FMOD: variants seen among roughly 807,000 people sequenced by gnomAD.
The protein encoded by FMOD is fibromodulin.
A neutral mutation model predicts 27.0 loss-of-function variants in FMOD; 15 were observed. The ratio of observed to expected loss-of-function variants is 0.55; its 90% confidence interval spans 0.37 to 0.85. The LOEUF is 0.85. Ranked by LOEUF, FMOD falls within the 40% of genes least tolerant of loss-of-function variation. FMOD has a pLI of 0.00. For synonymous variants in FMOD, 210 were observed against 214.0 expected (o/e 0.98, Z 0.16); for missense variants, 460 against 483.2 (o/e 0.95, Z 0.45).
intron 2 of FMOD, 103 bp downstream of exon 2, chr1:203,347,189 G>A: frequency 7.2e-7 from 1 of 1,394,752 alleles, no homozygotes; most frequent in Non-Finnish European, 9.7e-7. Flanking sequence ...GTGCTGTCTG[G>A]TTCCCCTATT....
Position 203,347,313 on chromosome 1 carries a change from G to A in FMOD, c.958C>T (p.Leu320Phe). 2.5e-6 allele frequency: 4 copies of A among 1,613,006 alleles called. No individual in the cohort carries two copies. The highest frequency in any genetic ancestry group is 3.4e-6 in the Non-Finnish European group (4 of 1,179,404). ...TCACCATTGATCCTATTGCCTTGGAGGTAGAGGTTCTCCAGGTTGGTGTTG... is the reference window on the plus strand; with the variant it reads ...TCACCATTGATCCTATTGCCTTGGAAGTAGAGGTTCTCCAGGTTGGTGTTG... ...PVNTNLENLY[L>F]QGNRINEFSI... Residue 320 changes from leucine to phenylalanine, a missense_variant, in exon 2 of 3, where the codon CTC (leucine) becomes TTC (phenylalanine). By Grantham distance (22) the Leu-to-Phe change is conservative. Coordinates refer to ENST00000354955, the MANE Select transcript of FMOD (RefSeq NM_002023.5).
At chr1:203,350,699 C>T (rs1658983236) in intron 1 of FMOD, among the ~76,000 whole-genome samples, 1 of 152,194 alleles carries the variant, frequency 6.6e-6, no homozygotes, top group African/African-American at 2.4e-5. Context: ...TCTTGGAATA[C>T]CCTTCAAAAT....
rs372055897 is a variant in FMOD, at chr1:203,347,389, G to A, written c.882C>T (p.Ser294=). 3 of 1,614,206 alleles carry A rather than the reference G, an allele frequency of 1.9e-6. No individual in the cohort carries two copies. Among genetic ancestry groups the A allele is most frequent in the Admixed American group, 3.3e-5 (2 of 60,028 alleles). Residue 294 remains serine (S), a synonymous_variant, in exon 2 of 3, where the codon AGC becomes AGT. Coordinates refer to ENST00000354955, the MANE Select transcript of FMOD (RefSeq NM_002023.5). The part of the protein sequence containing the change: ...GLASNTFNSS[S]LLELDLSYNQ... ...TGTAGGAGAGGTCTAGCTCAAGGAG[G>A]CTGCTGGAATTGAAGGTGTTGGAGG...
intron 1 of FMOD, among the ~76,000 whole-genome samples, chr1:203,349,173 C>T (rs975999548): frequency 6.6e-6 from 1 of 152,222 alleles, no homozygotes; most frequent in African/African-American, 2.4e-5. Flanking sequence ...CCACCATGGG[C>T]ATCATGCAAG....
intron 2 of FMOD, among the ~76,000 whole-genome samples, 156 bp downstream of exon 2, chr1:203,347,136 C>CT (rs1448250109): frequency 6.6e-6 from 1 of 152,218 alleles, no homozygotes; most frequent in Non-Finnish European, 1.5e-5. Flanking sequence ...AGTGTATTCT[C>CT]TTTTGTACAG....
chr1:203,348,377 G>A, intron 1 of FMOD, 100 bp from the exon 2 acceptor site: 2 of 1,243,540 alleles, frequency 1.6e-6, no homozygotes, highest in Non-Finnish European at 1.1e-6. Flanking sequence ...GCTATGCAGA[G>A]CTGACTTCCA....
At chr1:203,350,619 T>C (rs1658975528) in intron 1 of FMOD, among the ~76,000 whole-genome samples, 2 of 151,042 alleles carry the variant, frequency 1.3e-5, no homozygotes, top group Non-Finnish European at 2.9e-5. Flanking sequence ...TACACAAAAG[T>C]TTCCCCCTCT....
chr1:203,343,931 G>A (rs910291926), intron 2 of FMOD, among the ~76,000 whole-genome samples: 1 of 152,204 alleles, frequency 6.6e-6, no homozygotes, highest in African/African-American at 2.4e-5. Flanking sequence ...AAATTAACTT[G>A]TATTGCAGGC....
Position 203,348,108 on chromosome 1 carries a change from A to G in FMOD, c.163T>C (p.Tyr55His). Residue 55 changes from tyrosine (Y) to histidine (H), a missense_variant, in exon 2 of 3, where the codon TAT (tyrosine) becomes CAT (histidine). Coordinates refer to ENST00000354955, the MANE Select transcript of FMOD (RefSeq NM_002023.5). ...YPYETYEPYP[Y>H]GVDEGPAYTY... ...TAGGCTGGCCCTTCATCCACCCCAT[A>G]GGGGTAAGGCTCGTAGGTCTCATAC... The G allele has an allele frequency of 1.2e-6, 2 of 1,614,044 alleles. No homozygotes were observed. Among genetic ancestry groups the G allele is most frequent in the Non-Finnish European group, 8.5e-7 (1 of 1,179,932 alleles).
At position 203,344,376 on chromosome 1, in the gene FMOD, C is replaced by T. The variant is rs115487737; in HGVS notation, c.980-1882G>A. Among the ~76,000 whole-genome samples the T allele has an allele frequency of 1.7e-3, 253 of 152,272 alleles. 1 individual carries two copies. Among genetic ancestry groups the T allele is most frequent in the African/African-American group, 5.3e-3 (219 of 41,532 alleles). ...ACACAGTGTATATGGACTCTAGCCA[C>T]ATACTGGGTACTGTGAGCACCCCCC... is the stretch of plus-strand genomic sequence containing the variant. On this transcript the variant is annotated intron_variant, in intron 2 of 2. Transcript: ENST00000354955.
Position 203,347,854 on chromosome 1 carries a change from G to T in FMOD, c.417C>A (p.Asn139Lys). The T allele has an allele frequency of 6.2e-7, 1 of 1,614,208 alleles. No individual in the cohort carries two copies. ...TGCCCACCTTATCACTGGTGATCTG[G>T]TTGCCGTGGAGAGCAATCCAGAGCA... ...TGLLWIALHGNQITSDKVGRK... is the reference protein window; with the variant it reads ...TGLLWIALHGKQITSDKVGRK... The change falls in exon 2 of 3, where the codon AAC (asparagine) becomes AAA (lysine). Residue 139 changes from asparagine (N) to lysine (K), a missense_variant. Coordinates refer to ENST00000354955, the MANE Select transcript of FMOD (RefSeq NM_002023.5).
At position 203,348,025 on chromosome 1, in the gene FMOD, G is replaced by T. The variant is rs775590878; in HGVS notation, c.246C>A (p.Cys82Ter). The change falls in exon 2 of 3, where the codon TGC becomes TGA. Residue 82 changes from cysteine (C) to a stop codon, truncating the protein, a stop_gained. Coordinates refer to ENST00000354955, the MANE Select transcript of FMOD (RefSeq NM_002023.5). LOFTEE classifies it high-confidence loss of function. ...DPRDCPQECD[C>*]PPNFPTAMYC... is the part of the protein sequence containing the mutation. ...ACATGGCCGTGGGGAAGTTGGGTGG[G>T]CAGTCGCACTCCTGGGGGCAGTCGC... 1 of 1,609,954 alleles carries T rather than the reference G, an allele frequency of 6.2e-7. No individual in the cohort carries two copies. The highest frequency in any genetic ancestry group is 1.1e-5 in the South Asian group (1 of 90,600).
chr1:203,348,007 C>T lies in FMOD; in HGVS notation c.264G>A (p.Thr88=), dbSNP rs149482844. 485 of 1,607,776 alleles carry T rather than the reference C, an allele frequency of 3.0e-4. 6 individuals carry two copies. In the East Asian group the frequency reaches 0.01, roughly 34 times the overall value. Residue 88 remains threonine (T), a synonymous_variant, in exon 2 of 3, where the codon ACG becomes ACA. Transcript: ENST00000354955. ...QECDCPPNFP[T]AMYCDNRNLK... ...GGTTGCGATTGTCACAGTACATGGC[C>T]GTGGGGAAGTTGGGTGGGCAGTCGC...
At chr1:203,345,972 A>G (rs148943869) in intron 2 of FMOD, among the ~76,000 whole-genome samples, 6 of 151,896 alleles carry the variant, frequency 4.0e-5, no homozygotes, top group Non-Finnish European at 8.8e-5. Context: ...AAAGAAAGAG[A>G]GATTTTAATA....
At position 203,342,462 on chromosome 1, in the gene FMOD, C is replaced by T; in HGVS notation, c.1012G>A (p.Asp338Asn). The T allele has an allele frequency of 6.2e-7, 1 of 1,614,166 alleles. No homozygotes were observed. The highest frequency in any genetic ancestry group is 8.5e-7 in the Non-Finnish European group (1 of 1,180,000). ...FSISSFCTVV[D>N]VVNFSKLQVL... is the part of the protein sequence containing the mutation. ...TGCAGCTTGGAGAAGTTCACGACGT[C>T]CACCACGGTGCAGAAGCTGCTGATG... The change falls in exon 3 of 3, where the codon GAC becomes AAC. Residue 338 changes from aspartate (D) to asparagine (N), a missense_variant. Transcript: ENST00000354955.
intron 2 of FMOD, among the ~76,000 whole-genome samples, chr1:203,344,060 A>T (rs1412715942): frequency 6.6e-6 from 1 of 152,116 alleles, no homozygotes; most frequent in African/African-American, 2.4e-5. Flanking sequence ...ATACTTTTGG[A>T]TGTTTCCTTT....
At chr1:203,345,670 AG>A (rs1469839697) in intron 2 of FMOD, among the ~76,000 whole-genome samples, 3 of 152,182 alleles carry the variant, frequency 2.0e-5, no homozygotes, top group Non-Finnish European at 4.4e-5. Context: ...AGGCCGAGGC[AG>A]GCAGATCACG....
intron 1 of FMOD, among the ~76,000 whole-genome samples, chr1:203,349,971 CTGGCCAGGAGAGAAGACG>C (rs1658963033): frequency 6.6e-6 from 1 of 152,234 alleles, no homozygotes; most frequent in Non-Finnish European, 1.5e-5. Context: ...GTTCCTGGCT[CTGGCCAGGAGAGAAGACG>C]AATGGAGCGG....
At position 203,347,279 on chromosome 1, in the gene FMOD, G is replaced by A. The variant is rs766812573; in HGVS notation, c.979+13C>T. 1.3e-6 allele frequency: 2 copies of A among 1,591,964 alleles called. No homozygotes were observed. The highest frequency in any genetic ancestry group is 1.7e-6 in the Non-Finnish European group (2 of 1,169,308). On this transcript the variant is annotated intron_variant, in intron 2 of 2. Coordinates refer to ENST00000354955, the MANE Select transcript of FMOD (RefSeq NM_002023.5). Reference sequence around the variant, plus strand: ...AGACAGCCAGTCCCCGCCTCCCTTTGCCAAGGTCTCACCATTGATCCTATT... The same window carrying A: ...AGACAGCCAGTCCCCGCCTCCCTTTACCAAGGTCTCACCATTGATCCTATT...
Sources: allele counts gnomAD v4.1 joint callset (sites outside exome capture counted in the v4.1 genomes callset), GRCh38; gene constraint gnomAD v4.1.1; transcripts MANE v1.5; gene names NCBI Gene and HGNC (gene_info 2026-07-23, HGNC 2026-07-21).